NALF1: variants seen among roughly 807,000 people sequenced by gnomAD.
NALF1 encodes family with sequence similarity 155 member A.
A neutral mutation model predicts 48.4 loss-of-function variants in NALF1; 3 were observed. That is an observed-to-expected ratio of 0.06 (90% CI 0.03 to 0.16). The LOEUF (loss-of-function observed/expected upper bound fraction) is 0.16, where lower values mean the gene tolerates loss of function less well. NALF1 is among the 10% of genes least tolerant of loss of function. The probability of loss-of-function intolerance (pLI) is 1.00; values close to 1 mark genes in which losing one functional copy is unlikely to be tolerated. For synonymous variants in NALF1, 262 were observed against 245.7 expected (o/e 1.07, Z -0.62); for missense variants, 526 against 571.5 (o/e 0.92, Z 0.81).
At position 107,502,852 on chromosome 13, in the gene NALF1, T is replaced by C. The variant is rs75056777; in HGVS notation, c.916-292097A>G. ...AGTATTTATTTTTTCTTTAAAAAAATACAAATGGAAGTGCAGATTGTCCAT... is the reference window on the plus strand; with the variant it reads ...AGTATTTATTTTTTCTTTAAAAAAACACAAATGGAAGTGCAGATTGTCCAT... On this transcript the variant is annotated intron_variant, in intron 1 of 2. Transcript: ENST00000375915. Among the ~76,000 whole-genome samples, 1,074 of 152,284 alleles carry C rather than the reference T, an allele frequency of 7.1e-3. 43 individuals carry two copies. In the East Asian group the frequency reaches 0.1, roughly 15 times the overall value.
chr13:107,588,601 T>C (rs561615077), intron 1 of NALF1, among the ~76,000 whole-genome samples: 1 of 152,136 alleles, frequency 6.6e-6, no homozygotes, highest in South Asian at 2.1e-4. Context: ...ATCTGCTGTC[T>C]GTGAGTGTAA....
At chr13:107,862,724 T>G (rs969859407) in intron 1 of NALF1, among the ~76,000 whole-genome samples, 1 of 151,956 alleles carries the variant, frequency 6.6e-6, no homozygotes, top group Non-Finnish European at 1.5e-5. Flanking sequence ...ATAATTTTAT[T>G]AGGTCTATTC....
intron 1 of NALF1, among the ~76,000 whole-genome samples, chr13:107,571,388 T>A (rs1310980824): frequency 6.6e-6 from 1 of 152,148 alleles, no homozygotes; most frequent in Admixed American, 6.5e-5. Flanking sequence ...GCCAAGTGAT[T>A]TAATCAATCA....
chr13:107,647,571 T>C (rs1301279921), intron 1 of NALF1, among the ~76,000 whole-genome samples: 1 of 151,984 alleles, frequency 6.6e-6, no homozygotes, highest in Non-Finnish European at 1.5e-5. Flanking sequence ...TAACATAAGA[T>C]GCTGCTTAAA....
intron 1 of NALF1, among the ~76,000 whole-genome samples, chr13:107,320,634 G>A (rs1001113460): frequency 6.6e-6 from 1 of 152,042 alleles, no homozygotes. Flanking sequence ...GGGCTCCTTT[G>A]AGTAAAGAAT....
At chr13:107,617,493 C>T (rs1879410879) in intron 1 of NALF1, among the ~76,000 whole-genome samples, 1 of 152,082 alleles carries the variant, frequency 6.6e-6, no homozygotes, top group Admixed American at 6.6e-5. Context: ...GATTTTGATC[C>T]TATACACCTT....
chr13:107,325,301 G>C (rs889134484), intron 1 of NALF1, among the ~76,000 whole-genome samples: 1 of 152,080 alleles, frequency 6.6e-6, no homozygotes, highest in Non-Finnish European at 1.5e-5. Context: ...AATGCATGAT[G>C]ATGATGAGCT....
chr13:107,478,512 A>G (rs1012474989), intron 1 of NALF1, among the ~76,000 whole-genome samples: 1 of 152,142 alleles, frequency 6.6e-6, no homozygotes, highest in Non-Finnish European at 1.5e-5. Flanking sequence ...TGTTCTTTGC[A>G]TTAATTTACT....
chr13:107,783,856 T>C (rs1322927709), intron 1 of NALF1, among the ~76,000 whole-genome samples: 71 of 129,572 alleles, frequency 5.5e-4, no homozygotes, highest in African/African-American at 2.0e-3. Flanking sequence ...CCAAGAATGA[T>C]CAATAAAAAT....
At chr13:107,541,127 A>C (rs1876987429) in intron 1 of NALF1, among the ~76,000 whole-genome samples, 1 of 152,162 alleles carries the variant, frequency 6.6e-6, no homozygotes, top group South Asian at 2.1e-4. Flanking sequence ...AAAGCTTTTA[A>C]TAACCTTACA....
intron 1 of NALF1, among the ~76,000 whole-genome samples, chr13:107,474,805 T>G (rs762414486): frequency 3.7e-4 from 57 of 152,116 alleles, no homozygotes; most frequent in Middle Eastern, 3.2e-3. Flanking sequence ...TGAAATGAAG[T>G]GTATAATGTC....
At chr13:107,616,422 C>G (rs1222081173) in intron 1 of NALF1, among the ~76,000 whole-genome samples, 1 of 152,144 alleles carries the variant, frequency 6.6e-6, no homozygotes, top group Non-Finnish European at 1.5e-5. Flanking sequence ...TTGGGGTTTT[C>G]TTTTGCCATA....
chr13:107,651,925 T>C (rs539335926), intron 1 of NALF1, among the ~76,000 whole-genome samples: 2 of 152,234 alleles, frequency 1.3e-5, no homozygotes, highest in Non-Finnish European at 2.9e-5. Flanking sequence ...TTTGCGAATA[T>C]ATCAAAGCTA....
chr13:107,537,206 G>A (rs1202376314), intron 1 of NALF1, among the ~76,000 whole-genome samples: 2 of 151,880 alleles, frequency 1.3e-5, no homozygotes, highest in East Asian at 1.9e-4. Flanking sequence ...TTGTGCACAT[G>A]TACCCTAGAA....
At chr13:107,396,982 A>G (rs1248308958) in intron 1 of NALF1, among the ~76,000 whole-genome samples, 1 of 152,230 alleles carries the variant, frequency 6.6e-6, no homozygotes, top group African/African-American at 2.4e-5. Flanking sequence ...AGATCATGGC[A>G]GAGGCCAAAG....
Position 107,685,158 on chromosome 13 carries a change from C to CA in NALF1, c.915+180523dup, listed in dbSNP as rs370963146. ...TGAAGCCCCATGTGTACTAAAAATACAAAAAATTAGCCAGGCGTGGTGGCG... is the reference window on the plus strand; with the variant it reads ...TGAAGCCCCATGTGTACTAAAAATACAAAAAAATTAGCCAGGCGTGGTGGCG... On this transcript the variant is annotated intron_variant, in intron 1 of 2. Transcript: ENST00000375915. Among the ~76,000 whole-genome samples the CA allele has an allele frequency of 7.6e-3, 1,160 of 152,080 alleles. 11 individuals carry two copies. Among genetic ancestry groups the CA allele is most frequent in the African/African-American group, 0.026 (1,076 of 41,482 alleles).
At chr13:107,254,548 A>G (rs1880774570) in intron 1 of NALF1, among the ~76,000 whole-genome samples, 1 of 152,126 alleles carries the variant, frequency 6.6e-6, no homozygotes, top group Admixed American at 6.5e-5. Flanking sequence ...TATAGCCCCT[A>G]CCACAGCTGT....
intron 1 of NALF1, among the ~76,000 whole-genome samples, chr13:107,708,754 G>T (rs960628523): frequency 2.0e-5 from 3 of 151,642 alleles, no homozygotes; most frequent in Admixed American, 2.0e-4. Flanking sequence ...AAGTTCCAGG[G>T]TACATGTGCA....
chr13:107,642,928 C>T (rs1880199457), intron 1 of NALF1, among the ~76,000 whole-genome samples: 2 of 152,154 alleles, frequency 1.3e-5, no homozygotes, highest in Non-Finnish European at 1.5e-5. Flanking sequence ...GCAGAAGCAT[C>T]GCATTGGAGT....
Sources: allele counts gnomAD v4.1 joint callset (sites outside exome capture counted in the v4.1 genomes callset), GRCh38; gene constraint gnomAD v4.1.1; transcripts MANE v1.5; gene names NCBI Gene and HGNC (gene_info 2026-07-23, HGNC 2026-07-21).